PLEKHA2: variants seen among roughly 807,000 people sequenced by gnomAD.
PLEKHA2 encodes pleckstrin homology domain-containing family A member 2.
PLEKHA2 carries 28 observed loss-of-function variants against 53.2 expected under a neutral mutation model. The ratio of observed to expected loss-of-function variants is 0.53; its 90% confidence interval spans 0.39 to 0.72. PLEKHA2 has a LOEUF of 0.72. Ranked by LOEUF, PLEKHA2 falls within the 30% of genes least tolerant of loss-of-function variation. The probability of loss-of-function intolerance (pLI) is 0.00; values close to 1 mark genes in which losing one functional copy is unlikely to be tolerated. For synonymous variants in PLEKHA2, 193 were observed against 196.4 expected (o/e 0.98, Z 0.14); for missense variants, 426 against 537.9 (o/e 0.79, Z 2.06).
At chr8:38,925,931 A>G (rs1440852106) in intron 2 of PLEKHA2, among the ~76,000 whole-genome samples, 1 of 152,250 alleles carries the variant, frequency 6.6e-6, no homozygotes, top group Non-Finnish European at 1.5e-5. Flanking sequence ...AGAACCAGGA[A>G]ATAATGTTCT....
At chr8:38,913,370 G>A (rs373098909) in intron 1 of PLEKHA2, among the ~76,000 whole-genome samples, 108 of 134,318 alleles carry the variant, frequency 8.0e-4, no homozygotes, top group Non-Finnish European at 7.8e-4. Context: ...TCTCAAAAAG[G>A]AAAAAAAAAA....
At chr8:38,955,093 A>T (rs1293382039) in intron 9 of PLEKHA2, among the ~76,000 whole-genome samples, 3 of 152,174 alleles carry the variant, frequency 2.0e-5, no homozygotes, top group African/African-American at 7.2e-5. Context: ...TTGGGGGAAC[A>T]GGTGGTGTTT....
At chr8:38,934,191 C>T (rs11998701) in intron 2 of PLEKHA2, among the ~76,000 whole-genome samples, 53,400 of 151,566 alleles carry the variant, frequency 0.35, 9,618 homozygotes, top group Middle Eastern at 0.4. Flanking sequence ...ATAGAGACGG[C>T]GTTTCACTAT....
chr8:38,938,509 G>A (rs1469844595), intron 3 of PLEKHA2, among the ~76,000 whole-genome samples: 1 of 152,234 alleles, frequency 6.6e-6, no homozygotes, highest in African/African-American at 2.4e-5. Flanking sequence ...GGGCAGACAG[G>A]GTGGGGCTGG....
intron 2 of PLEKHA2, among the ~76,000 whole-genome samples, chr8:38,932,937 C>T (rs1004389063): frequency 2.0e-5 from 3 of 152,116 alleles, no homozygotes; most frequent in African/African-American, 7.2e-5. Flanking sequence ...CCTGGGGTCC[C>T]TGGGCCTGGA....
In PLEKHA2 at chr8:38,961,346, G is replaced by T. The variant is rs143127884; in HGVS notation, c.837+3960G>T. Among the ~76,000 whole-genome samples, 655 of 152,196 alleles carry T rather than the reference G, an allele frequency of 4.3e-3. 9 individuals carry two copies. Among genetic ancestry groups the T allele is most frequent in the African/African-American group, 0.015 (608 of 41,516 alleles). On this transcript the variant is annotated intron_variant, in intron 10 of 11. Coordinates refer to ENST00000617275, the MANE Select transcript of PLEKHA2 (RefSeq NM_021623.2). ...GAGGTCAGGAGTTCGAGGTCAGCCT[G>T]GCCAACATAGTGAAACCCTGTCTCT...
rs189095129 is a variant in PLEKHA2, at chr8:38,962,392, A to G, written c.837+5006A>G. 3.3e-3 allele frequency among the ~76,000 whole-genome samples: 499 copies of G among 152,320 alleles called. 4 individuals are homozygous for G. Among genetic ancestry groups the G allele is most frequent in the Non-Finnish European group, 5.1e-3 (345 of 68,022 alleles). Reference sequence around the variant, plus strand: ...AGCAGCCTGGTCCAGAACCCATGATATAGAGGGTGTGGTCACAGACAACCA... The same window carrying G: ...AGCAGCCTGGTCCAGAACCCATGATGTAGAGGGTGTGGTCACAGACAACCA... On this transcript the variant is annotated intron_variant, in intron 10 of 11. Transcript: ENST00000617275.
At chr8:38,967,911 C>T (rs1202381389) in intron 10 of PLEKHA2, among the ~76,000 whole-genome samples, 8 of 152,162 alleles carry the variant, frequency 5.3e-5, no homozygotes, top group Non-Finnish European at 1.2e-4. Flanking sequence ...ATCCACCCGC[C>T]TCGACCTCCC....
At position 38,951,013 on chromosome 8, in the gene PLEKHA2, C is replaced by T. The variant is rs531092701; in HGVS notation, c.486+23C>T. The T allele has an allele frequency of 6.1e-5, 81 of 1,332,584 alleles. No homozygotes were observed. The East Asian group carries it at 1.4e-3, about 23-fold the overall frequency. 82.5% of individuals were successfully genotyped at this position (1,332,584 alleles called of 1,614,324 possible). The stretch of plus-strand genomic sequence containing the variant: ...CAGGTGAGGGGCCTGACTGGGGCTG[C>T]GGGGGGAGTGGGGGTGTGGAAGTGT... On this transcript the variant is annotated intron_variant, in intron 6 of 11. Transcript: ENST00000617275.
chr8:38,944,410 G>A (rs984010800), intron 4 of PLEKHA2, among the ~76,000 whole-genome samples: 13 of 151,936 alleles, frequency 8.6e-5, no homozygotes, highest in Admixed American at 5.9e-4. Flanking sequence ...CCAGCTACTC[G>A]GGAGGCTAAG....
At position 38,969,826 on chromosome 8, in the gene PLEKHA2, G is replaced by C. The variant is rs146282623; in HGVS notation, c.*43G>C. 5.9e-4 allele frequency: 902 copies of C among 1,541,242 alleles called. 13 individuals are homozygous for C. In the East Asian group the frequency reaches 0.021, roughly 36 times the overall value. ...GGAGGGAGGGAGGGAGGGAGGACTT[G>C]AGAGAAGGAGGCTGTGACTCAGTTT... On this transcript the variant is annotated 3_prime_UTR_variant, in exon 12 of 12. Coordinates refer to ENST00000617275, the MANE Select transcript of PLEKHA2 (RefSeq NM_021623.2).
At chr8:38,923,068 G>GT (rs1169687212) in intron 2 of PLEKHA2, among the ~76,000 whole-genome samples, 1 of 152,128 alleles carries the variant, frequency 6.6e-6, no homozygotes, top group Non-Finnish European at 1.5e-5. Context: ...ACAAAACTAT[G>GT]GTGCTAATAA....
At chr8:38,944,537 C>G (rs570362714) in intron 4 of PLEKHA2, among the ~76,000 whole-genome samples, 62 of 152,088 alleles carry the variant, frequency 4.1e-4, no homozygotes, top group African/African-American at 1.4e-3. Flanking sequence ...GCTCAGTGTT[C>G]TGCAGGCTCT....
At chr8:38,947,500 G>C (rs952984641) in intron 5 of PLEKHA2, among the ~76,000 whole-genome samples, 1 of 152,196 alleles carries the variant, frequency 6.6e-6, no homozygotes, top group African/African-American at 2.4e-5. Context: ...GCTTACACCT[G>C]TATTCCCAGC....
intron 2 of PLEKHA2, among the ~76,000 whole-genome samples, chr8:38,934,814 ATG>A (rs1834461980): frequency 7.8e-6 from 1 of 128,564 alleles, no homozygotes; most frequent in Non-Finnish European, 1.7e-5. Flanking sequence ...GGCTGAACAG[ATG>A]TATATATATA....
intron 10 of PLEKHA2, among the ~76,000 whole-genome samples, chr8:38,967,880 G>T: frequency 6.6e-6 from 1 of 151,892 alleles, no homozygotes; most frequent in East Asian, 1.9e-4. Context: ...CAGGCTGGTC[G>T]TGAACTCCTG....
chr8:38,939,744 A>G (rs1017377453), intron 3 of PLEKHA2, among the ~76,000 whole-genome samples: 1 of 152,180 alleles, frequency 6.6e-6, no homozygotes, highest in Admixed American at 6.5e-5. Flanking sequence ...AGTTCTCCTA[A>G]TAAGCCAGAA....
intron 2 of PLEKHA2, among the ~76,000 whole-genome samples, chr8:38,920,251 C>T (rs1031752360): frequency 5.3e-5 from 8 of 151,628 alleles, no homozygotes; most frequent in Admixed American, 1.3e-4. Flanking sequence ...CCCGGGTTCA[C>T]GCCATTCTCC....
chr8:38,949,688 A>G (rs2129421848), intron 5 of PLEKHA2, among the ~76,000 whole-genome samples: 1 of 152,376 alleles, frequency 6.6e-6, no homozygotes, highest in Middle Eastern at 3.4e-3. Flanking sequence ...TATAATTATT[A>G]GTAACAACGT....
Sources: gnomAD v4.1 joint callset for allele counts (sites outside exome capture counted in the v4.1 genomes callset) on GRCh38, gnomAD v4.1.1 for gene constraint, MANE v1.5 for transcripts, NCBI Gene and HGNC (gene_info 2026-07-23, HGNC 2026-07-21) for gene names.